The following TIMM23 variants were observed in gnomAD, a reference collection of about 807,000 sequenced individuals.
The protein encoded by TIMM23 is mitochondrial import inner membrane translocase subunit Tim23.
TIMM23 carries 19 observed loss-of-function variants against 30.7 expected under a neutral mutation model. The observed-to-expected ratio is 0.62, with a 90% CI of 0.43 to 0.91. The LOEUF is 0.91. Among genes scored for constraint, TIMM23 ranks in the 40% least tolerant of loss-of-function variants. TIMM23 has a pLI of 0.00. For missense variants in TIMM23, 202 were observed against 269.2 expected, an observed-to-expected ratio of 0.75 and a Z score of 1.75; for synonymous variants, 78 against 98.5, an observed-to-expected ratio of 0.79 and a Z score of 1.23.
intron 6 of TIMM23, among the ~76,000 whole-genome samples, chr10:45,991,452 A>G (rs1211492385): frequency 5.3e-5 from 8 of 152,276 alleles, no homozygotes; most frequent in South Asian, 2.1e-4. Flanking sequence ...AAAGGTTGAA[A>G]TGAAAGATGA....
intron 6 of TIMM23, among the ~76,000 whole-genome samples, chr10:46,000,668 T>G (rs1838501136): frequency 6.6e-6 from 1 of 152,240 alleles, no homozygotes. Context: ...TACCATGTTC[T>G]TAGAATGCAC....
intron 6 of TIMM23, chr10:45,992,787 A>C (rs1838205101): frequency 1.8e-5 from 6 of 336,420 alleles, no homozygotes; most frequent in Non-Finnish European, 3.5e-5. Flanking sequence ...CGATCCCCTG[A>C]CCTCATGATC....
chr10:45,983,450 C>T (rs1341693466), intron 4 of TIMM23, among the ~76,000 whole-genome samples: 2 of 152,178 alleles, frequency 1.3e-5, no homozygotes, highest in African/African-American at 4.8e-5. Context: ...ACACAGTTTT[C>T]TGTTAGAACT....
chr10:46,001,001 G>A (rs538470666), intron 6 of TIMM23, among the ~76,000 whole-genome samples: 3 of 152,274 alleles, frequency 2.0e-5, no homozygotes, highest in East Asian at 1.9e-4. Flanking sequence ...ATAACTGAGC[G>A]ATAGCAATGC....
intron 5 of TIMM23, among the ~76,000 whole-genome samples, chr10:45,988,311 G>A (rs1384174938): frequency 6.6e-6 from 1 of 152,122 alleles, no homozygotes; most frequent in African/African-American, 2.4e-5. Flanking sequence ...TATGGGGTAC[G>A]ATCTTTTCTG....
chr10:46,000,620 G>T (rs1371823602), intron 6 of TIMM23, among the ~76,000 whole-genome samples: 1 of 152,208 alleles, frequency 6.6e-6, no homozygotes, highest in Admixed American at 6.5e-5. Context: ...TGATGGCTGA[G>T]AACTAATGTG....
chr10:45,994,539 A>C (rs1554916401), intron 6 of TIMM23, among the ~76,000 whole-genome samples: 1 of 108,856 alleles, frequency 9.2e-6, no homozygotes, highest in Non-Finnish European at 1.9e-5. Context: ...TCCTAGGTTC[A>C]AGTGATGCTC....
chr10:46,003,091 A>G, intron 6 of TIMM23, 112 bp from the exon 7 acceptor site: 1 of 786,556 alleles, frequency 1.3e-6, no homozygotes. Context: ...TGCTGGGATT[A>G]CCTGAGCCAC....
In TIMM23 at chr10:46,003,402, T is replaced by C. The variant is rs1368858387; in HGVS notation, c.*84T>C. On this transcript the variant is annotated 3_prime_UTR_variant, in exon 7 of 7. Transcript: ENST00000580018. ...GACAGTTTGGAGTTATTCTCTCTCT[T>C]CTACCTACAATTAGTTTGAAAAATT... 9.4e-6 allele frequency: 9 copies of C among 957,900 alleles called. No individual in the cohort carries two copies. The highest frequency in any genetic ancestry group is 9.2e-5 in the Admixed American group (4 of 43,696). 59.3% of individuals were successfully genotyped at this position (957,900 alleles called of 1,614,324 possible). A position where few individuals can be genotyped will look rare whatever the true frequency, so the allele number is the denominator to read the frequency against.
At chr10:45,978,440 A>G (rs1392683185) in intron 2 of TIMM23, among the ~76,000 whole-genome samples, 1 of 152,230 alleles carries the variant, frequency 6.6e-6, no homozygotes, top group African/African-American at 2.4e-5. Flanking sequence ...TAGAATATTT[A>G]ATTTTTTTAA....
chr10:45,982,876 G>A lies in TIMM23; in HGVS notation c.290G>A (p.Arg97Gln), dbSNP rs1362668619. 6.8e-6 allele frequency: 11 copies of A among 1,613,642 alleles called. No homozygotes were observed. Among genetic ancestry groups the A allele is most frequent in the South Asian group, 1.1e-5 (1 of 91,060 alleles). Reference protein sequence around the residue: ...GAAFGAMNGLRLGLKETQNMA... With the variant: ...GAAFGAMNGLQLGLKETQNMA... ...GCGTTTGGTGCAATGAATGGTCTTCGGCTAGGATTGAAGGAAACCCAGAAC... is the reference window on the plus strand; with the variant it reads ...GCGTTTGGTGCAATGAATGGTCTTCAGCTAGGATTGAAGGAAACCCAGAAC... Residue 97 changes from arginine (R) to glutamine (Q), a missense_variant, in exon 4 of 7, where the codon CGG becomes CAG. By Grantham distance (43) the Arg-to-Gln change is conservative. Transcript: ENST00000580018.
chr10:45,990,595 T>C (rs1838137682), intron 6 of TIMM23: 2 of 366,618 alleles, frequency 5.5e-6, no homozygotes, highest in Admixed American at 7.7e-5. Flanking sequence ...TTATTTTTTT[T>C]TTTCTTTATC....
At chr10:45,976,432 A>G (rs9732801) in intron 2 of TIMM23, among the ~76,000 whole-genome samples, 110,807 of 126,784 alleles carry the variant, frequency 0.87, 48,611 homozygotes, top group East Asian at 0.96. Context: ...CCAACATAGC[A>G]AAACGCTGTT....
chr10:45,990,024 T>C (rs1310153533), intron 6 of TIMM23, among the ~76,000 whole-genome samples: 3 of 152,216 alleles, frequency 2.0e-5, no homozygotes, highest in African/African-American at 7.2e-5. Flanking sequence ...AAGTCAAGGT[T>C]TTTATCTTTT....
At chr10:45,986,925 T>C (rs1838009904) in intron 5 of TIMM23, among the ~76,000 whole-genome samples, 1 of 152,140 alleles carries the variant, frequency 6.6e-6, no homozygotes, top group African/African-American at 2.4e-5. Flanking sequence ...TTTCTAGAAA[T>C]AGCTACTATT....
chr10:45,997,236 CATAGA>C (rs1279853699), intron 6 of TIMM23, among the ~76,000 whole-genome samples: 2 of 151,942 alleles, frequency 1.3e-5, no homozygotes, highest in African/African-American at 4.8e-5. Flanking sequence ...GTGGTATATA[CATAGA>C]ATAGAATATT....
intron 1 of TIMM23, among the ~76,000 whole-genome samples, chr10:45,973,138 C>T (rs1217198790): frequency 1.3e-5 from 2 of 150,954 alleles, no homozygotes; most frequent in African/African-American, 2.4e-5. Flanking sequence ...CTCCAAGTAG[C>T]CGTCAGGGCA....
chr10:45,996,536 A>C (rs1369947195), intron 6 of TIMM23, among the ~76,000 whole-genome samples: 1 of 151,850 alleles, frequency 6.6e-6, no homozygotes, highest in Non-Finnish European at 1.5e-5. Flanking sequence ...TTATTGCTGA[A>C]GGTATAATTC....
intron 6 of TIMM23, chr10:45,992,562 C>CT (rs35656774): frequency 0.024 from 9,452 of 400,320 alleles, 5 homozygotes; most frequent in South Asian, 0.039. Context: ...CTTTTTTTTC[C>CT]TTTTTTTTTT....
Sources: gnomAD v4.1 joint callset for allele counts (sites outside exome capture counted in the v4.1 genomes callset) on GRCh38, gnomAD v4.1.1 for gene constraint, MANE v1.5 for transcripts, NCBI Gene and HGNC (gene_info 2026-07-23, HGNC 2026-07-21) for gene names.